LMNTD1: variants seen among roughly 807,000 people sequenced by gnomAD.
LMNTD1 encodes the protein lamin tail domain containing 1, also known as lamin tail domain-containing protein 1.
In LMNTD1, 35 loss-of-function variants were observed where a neutral mutation model predicts 50.9. That is an observed-to-expected ratio of 0.69 (90% CI 0.53 to 0.91). LMNTD1 has a LOEUF of 0.91. Ranked by LOEUF, LMNTD1 falls within the 40% of genes least tolerant of loss-of-function variation. The probability of loss-of-function intolerance (pLI) is 0.00; values close to 1 mark genes in which losing one functional copy is unlikely to be tolerated. For synonymous variants in LMNTD1, 153 were observed against 161.9 expected, an observed-to-expected ratio of 0.94 and a Z score of 0.42; for missense variants, 470 against 475.5, an observed-to-expected ratio of 0.99 and a Z score of 0.11.
chr12:25,515,346 AT>A (rs1479137714), intron 8 of LMNTD1, among the ~76,000 whole-genome samples: 1 of 152,120 alleles, frequency 6.6e-6, no homozygotes, highest in East Asian at 1.9e-4. Context: ...GTCTCTCTAT[AT>A]TACTATAGTT....
intron 1 of LMNTD1, among the ~76,000 whole-genome samples, chr12:25,580,063 A>T (rs528835223): frequency 6.6e-6 from 1 of 152,284 alleles, no homozygotes; most frequent in East Asian, 1.9e-4. Context: ...AAGCCCTGTG[A>T]TCTAACCACA....
chr12:25,518,766 C>G (rs773169829), intron 8 of LMNTD1, 29 bp downstream of exon 8: 2 of 1,609,258 alleles, frequency 1.2e-6, no homozygotes, highest in African/African-American at 2.7e-5. Context: ...CACGCACTCT[C>G]CACTGGAACA....
intron 1 of LMNTD1, among the ~76,000 whole-genome samples, chr12:25,570,706 A>G (rs1322671149): frequency 6.6e-6 from 1 of 152,212 alleles, no homozygotes; most frequent in East Asian, 1.9e-4. Flanking sequence ...AGTATGCATT[A>G]TGTAACCATG....
At chr12:25,637,464 G>T (rs1729684989) in intron 1 of LMNTD1, among the ~76,000 whole-genome samples, 1 of 151,986 alleles carries the variant, frequency 6.6e-6, no homozygotes. Flanking sequence ...TAAAAATATG[G>T]TAACTAAAAT....
At chr12:25,575,086 A>G (rs982319334) in intron 1 of LMNTD1, among the ~76,000 whole-genome samples, 1 of 152,096 alleles carries the variant, frequency 6.6e-6, no homozygotes, top group African/African-American at 2.4e-5. Flanking sequence ...TTCACTTCTT[A>G]TATTGAATTT....
intron 1 of LMNTD1, among the ~76,000 whole-genome samples, chr12:25,616,598 A>G (rs545926251): frequency 3.3e-5 from 5 of 152,312 alleles, no homozygotes; most frequent in South Asian, 4.1e-4. Flanking sequence ...GACCAGATCA[A>G]TATCTATAAC....
intron 4 of LMNTD1, among the ~76,000 whole-genome samples, chr12:25,545,837 C>G (rs1170210408): frequency 1.3e-5 from 2 of 151,716 alleles, no homozygotes; most frequent in East Asian, 1.9e-4. Context: ...TGTCTTATTA[C>G]TAGCATTTCA....
intron 1 of LMNTD1, among the ~76,000 whole-genome samples, chr12:25,565,724 C>G (rs992344887): frequency 7.9e-5 from 12 of 152,258 alleles, no homozygotes; most frequent in East Asian, 1.9e-4. Context: ...CATCAACATC[C>G]TTTTTCTTTC....
intron 1 of LMNTD1, among the ~76,000 whole-genome samples, chr12:25,591,079 C>G (rs1201824236): frequency 3.3e-5 from 5 of 152,168 alleles, no homozygotes; most frequent in Non-Finnish European, 7.4e-5. Flanking sequence ...ACCTTAGGTA[C>G]TAGCTTGGCC....
chr12:25,576,177 A>G (rs1452934052), intron 1 of LMNTD1, among the ~76,000 whole-genome samples: 1 of 152,236 alleles, frequency 6.6e-6, no homozygotes, highest in Non-Finnish European at 1.5e-5. Context: ...TTATAGCAGC[A>G]TCATTTATAA....
intron 1 of LMNTD1, among the ~76,000 whole-genome samples, chr12:25,559,735 A>T (rs7955228): frequency 6.6e-6 from 1 of 152,104 alleles, no homozygotes; most frequent in African/African-American, 2.4e-5. Flanking sequence ...AATGATCGCC[A>T]TTCTAACTGG....
At chr12:25,585,652 C>T (rs779569257) in intron 1 of LMNTD1, among the ~76,000 whole-genome samples, 3 of 152,154 alleles carry the variant, frequency 2.0e-5, no homozygotes, top group Non-Finnish European at 2.9e-5. Context: ...AAGTTTAATA[C>T]CAACAGACCA....
At chr12:25,518,285 T>C (rs1312386437) in intron 8 of LMNTD1, among the ~76,000 whole-genome samples, 3 of 152,136 alleles carry the variant, frequency 2.0e-5, no homozygotes, top group East Asian at 3.9e-4. Flanking sequence ...TTGTGAAAAA[T>C]GTAGCAAGTG....
chr12:25,553,425 C>T (rs1400014946), upstream of LMNTD1: 12 of 297,110 alleles, frequency 4.0e-5, no homozygotes, highest in African/African-American at 2.4e-4. Context: ...GTAATTTGCT[C>T]TTAGGAAAGC....
intron 1 of LMNTD1, among the ~76,000 whole-genome samples, chr12:25,619,217 A>ACTCT (rs143233739): frequency 7.1e-4 from 85 of 120,038 alleles, no homozygotes; most frequent in African/African-American, 1.8e-3. Flanking sequence ...ATGCTTTTCA[A>ACTCT]CTCTCTCTCT....
chr12:25,493,959 A>G (rs1002085386), intron 9 of LMNTD1, among the ~76,000 whole-genome samples: 2 of 152,144 alleles, frequency 1.3e-5, no homozygotes, highest in Admixed American at 6.5e-5. Flanking sequence ...CCTTAAGGAG[A>G]GGACGTTGTG....
intron 1 of LMNTD1, among the ~76,000 whole-genome samples, chr12:25,621,070 AT>A (rs796072890): frequency 8.5e-5 from 13 of 152,290 alleles, no homozygotes; most frequent in African/African-American, 2.9e-4. Flanking sequence ...CTTCATCTCT[AT>A]TCATTAGCTG....
Position 25,603,204 on chromosome 12 carries a change from T to G in LMNTD1, c.58+45290A>C, listed in dbSNP as rs560801689. 2.6e-5 allele frequency among the ~76,000 whole-genome samples: 4 copies of G among 152,236 alleles called. No homozygotes were observed. The South Asian group carries it at 8.3e-4, about 32-fold the overall frequency. On this transcript the variant is annotated intron_variant, in intron 1 of 7. Transcript: ENST00000445693. ...AATTTCATAAGAATATAACCAGATGTACAATTCCTTTAATATTCAAAATTC... is the reference window on the plus strand; with the variant it reads ...AATTTCATAAGAATATAACCAGATGGACAATTCCTTTAATATTCAAAATTC...
At chr12:25,522,990 A>G (rs1169901794) in intron 6 of LMNTD1, among the ~76,000 whole-genome samples, 1 of 152,182 alleles carries the variant, frequency 6.6e-6, no homozygotes, top group African/African-American at 2.4e-5. Flanking sequence ...AAGTAGTCTA[A>G]GACATACTTT....
Sources: gnomAD v4.1 joint callset for allele counts (sites outside exome capture counted in the v4.1 genomes callset) on GRCh38, gnomAD v4.1.1 for gene constraint, MANE v1.5 for transcripts, NCBI Gene and HGNC (gene_info 2026-07-23, HGNC 2026-07-21) for gene names.